PHF21B: variants seen among roughly 807,000 people sequenced by gnomAD.
PHF21B encodes PHD finger protein 21B.
Under a neutral mutation model 62.2 loss-of-function variants are expected in PHF21B, and 22 were observed. The ratio of observed to expected loss-of-function variants is 0.35; its 90% CI spans 0.25 to 0.51. The LOEUF (loss-of-function observed/expected upper bound fraction) is 0.51. PHF21B is among the 20% of genes least tolerant of loss of function. PHF21B has a pLI of 0.97. For synonymous variants in PHF21B, 341 were observed against 314.7 expected, an observed-to-expected ratio of 1.08 and a Z score of -0.88; for missense variants, 701 against 707.9, an observed-to-expected ratio of 0.99 and a Z score of 0.11.
chr22:44,886,658 G>A (rs1398594459), intron 10 of PHF21B, among the ~76,000 whole-genome samples: 1 of 151,670 alleles, frequency 6.6e-6, no homozygotes, highest in Non-Finnish European at 1.5e-5. Context: ...CTGCACTCTA[G>A]CCTGTGAAAC....
Position 44,888,714 on chromosome 22 carries a change from A to G in PHF21B, c.1039-593T>C, listed in dbSNP as rs543141189. ...CTCCTCTGGGATGGCCCGTGCCACAAGGACACTGGATGTCCCTGAAGGAGG... is the reference window on the plus strand; with the variant it reads ...CTCCTCTGGGATGGCCCGTGCCACAGGGACACTGGATGTCCCTGAAGGAGG... On this transcript the variant is annotated intron_variant, in intron 9 of 12. Coordinates refer to ENST00000313237, the MANE Select transcript of PHF21B (RefSeq NM_138415.5). Among the ~76,000 whole-genome samples the G allele has an allele frequency of 3.9e-5, 6 of 152,348 alleles. No homozygotes were observed. The South Asian group carries it at 1.2e-3, about 32-fold the overall frequency.
In PHF21B at chr22:44,909,090, G is replaced by A. The variant is rs781517684; in HGVS notation, c.831+4732C>T. On this transcript the variant is annotated intron_variant, in intron 5 of 12. Coordinates refer to ENST00000313237, the MANE Select transcript of PHF21B (RefSeq NM_138415.5). ...CAGGATTACAGGTGTGAGCCACTGC[G>A]CCTGGCCTTGGTCCTCTTTTAAAAT... 5.9e-5 allele frequency among the ~76,000 whole-genome samples: 9 copies of A among 152,160 alleles called. 1 individual carries two copies. The highest frequency in any genetic ancestry group is 1.0e-4 in the Non-Finnish European group (7 of 68,028).
At chr22:44,983,233 CA>C (rs59497234) in intron 2 of PHF21B, among the ~76,000 whole-genome samples, 11 of 149,338 alleles carry the variant, frequency 7.4e-5, no homozygotes, top group African/African-American at 2.7e-4. Context: ...GACTCTGTCT[CA>C]AAAAAAAAAA....
chr22:44,949,174 G>A (rs1478873516), intron 2 of PHF21B, among the ~76,000 whole-genome samples: 1 of 151,960 alleles, frequency 6.6e-6, no homozygotes, highest in African/African-American at 2.4e-5. Context: ...AGTGGCGCAT[G>A]CCTGTAATCC....
At chr22:44,999,965 C>T (rs552004120) in intron 2 of PHF21B, among the ~76,000 whole-genome samples, 2 of 152,124 alleles carry the variant, frequency 1.3e-5, no homozygotes, top group East Asian at 1.9e-4. Flanking sequence ...TGCGGCCTCT[C>T]GAAGATTGTT....
At chr22:44,926,344 G>T (rs953335673) in intron 2 of PHF21B, among the ~76,000 whole-genome samples, 1 of 152,244 alleles carries the variant, frequency 6.6e-6, no homozygotes, top group African/African-American at 2.4e-5. Context: ...GTGGGGCCCC[G>T]GGGAGGAGAA....
chr22:44,968,566 C>G (rs1483879528), intron 2 of PHF21B, among the ~76,000 whole-genome samples: 1 of 150,056 alleles, frequency 6.7e-6, no homozygotes, highest in Admixed American at 6.7e-5. Context: ...ATTGCTTGAA[C>G]CTGGGAGGCA....
At position 45,009,590 on chromosome 22, in the gene PHF21B, G is replaced by T; in HGVS notation, c.-41C>A. On this transcript the variant is annotated 5_prime_UTR_variant, in exon 1 of 13. Coordinates refer to ENST00000313237, the MANE Select transcript of PHF21B (RefSeq NM_138415.5). This position sits in a 1 kb window ranked among gnomAD's most constrained non-coding sequence, Gnocchi z 5.9. Reference sequence around the variant, plus strand: ...AGCACTTTGCGCTCACTTTGGCCCGGGCTCCCGGGAAGTTGCGCGGCTCCG... The same window carrying T: ...AGCACTTTGCGCTCACTTTGGCCCGTGCTCCCGGGAAGTTGCGCGGCTCCG... The T allele has an allele frequency of 6.6e-7, 1 of 1,523,052 alleles. No homozygotes were observed. The highest frequency in any genetic ancestry group is 1.2e-5 in the South Asian group (1 of 81,526). The allele number at this position is 1,523,052 out of a possible 1,614,324, so 94.3% of individuals were successfully genotyped here. A position where few individuals can be genotyped will look rare whatever the true frequency, so the allele number is the denominator to read the frequency against.
chr22:44,977,233 CT>C (rs35019000), intron 2 of PHF21B, among the ~76,000 whole-genome samples: 1 of 151,430 alleles, frequency 6.6e-6, no homozygotes, highest in Non-Finnish European at 1.5e-5. Flanking sequence ...CATTCCCAGA[CT>C]TTTTTTTTAA....
Position 44,893,540 on chromosome 22 carries a change from A to G in PHF21B, c.884-7T>C. On this transcript the variant is annotated splice_region_variant and splice_polypyrimidine_tract_variant and intron_variant, in intron 6 of 12. Transcript: ENST00000313237. ...TGTCGCTTGCTCTGGATTTCTGGAA[A>G]GGCACAGACACAGCAGTTACTGGGT... The G allele has an allele frequency of 6.3e-7, 1 of 1,594,540 alleles. No homozygotes were observed. Among genetic ancestry groups the G allele is most frequent in the Non-Finnish European group, 8.5e-7 (1 of 1,170,210 alleles).
chr22:44,926,689 C>T (rs1218771598), intron 2 of PHF21B, among the ~76,000 whole-genome samples: 2 of 152,128 alleles, frequency 1.3e-5, no homozygotes, highest in Non-Finnish European at 2.9e-5. Flanking sequence ...GCTGGGATGG[C>T]GATGTGTCCA....
intron 2 of PHF21B, among the ~76,000 whole-genome samples, chr22:44,992,453 T>G (rs116052262): frequency 0.02 from 3,085 of 152,338 alleles, 96 homozygotes; most frequent in African/African-American, 0.07. Context: ...TTCCAAGTCC[T>G]GCTCCACCGC....
intron 7 of PHF21B, among the ~76,000 whole-genome samples, 177 bp from the exon 8 acceptor site, chr22:44,891,537 AG>A (rs2070965081): frequency 6.6e-6 from 1 of 151,938 alleles, no homozygotes; most frequent in African/African-American, 2.4e-5. Flanking sequence ...AGAAGCACGC[AG>A]GAATGGCTGA....
intron 2 of PHF21B, among the ~76,000 whole-genome samples, chr22:44,948,113 T>C (rs1052246797): frequency 4.0e-5 from 6 of 151,386 alleles, no homozygotes; most frequent in Admixed American, 2.0e-4. Flanking sequence ...CCGTGGAAGA[T>C]GGTTTTTCCA....
chr22:44,933,115 C>CA (rs2071774451), intron 2 of PHF21B, among the ~76,000 whole-genome samples: 1 of 141,010 alleles, frequency 7.1e-6, no homozygotes. Context: ...TCTTCTATTT[C>CA]TTTTTTTTTT....
At chr22:44,962,825 T>A (rs964451932) in intron 2 of PHF21B, among the ~76,000 whole-genome samples, 1 of 152,122 alleles carries the variant, frequency 6.6e-6, no homozygotes, top group Non-Finnish European at 1.5e-5. Context: ...GTGCTTTACT[T>A]GCGATGTGGC....
At chr22:44,891,774 C>A (rs1472887297) in intron 7 of PHF21B, among the ~76,000 whole-genome samples, 1 of 152,256 alleles carries the variant, frequency 6.6e-6, no homozygotes, top group Non-Finnish European at 1.5e-5. Flanking sequence ...AATTCCACTT[C>A]TTGGCATGTG....
rs914526852 is a variant in PHF21B, at chr22:45,009,985, G to A, written c.-436C>T. ...TGGGCCTCGGCAAAGTTGTGCCTCG[G>A]CACGATGCTAATTCGGCAGTGCCCG... On this transcript the variant is annotated 5_prime_UTR_variant, in exon 1 of 13. Coordinates refer to ENST00000313237, the MANE Select transcript of PHF21B (RefSeq NM_138415.5). The surrounding 1 kb of genome is among the most constrained non-coding windows in gnomAD (Gnocchi z 5.9). The A allele has an allele frequency of 9.6e-5, 14 of 146,388 alleles. No homozygotes were observed. The South Asian group carries it at 2.4e-3, about 26-fold the overall frequency. The allele number at this position is 146,388 out of a possible 1,614,324, so 9.1% of individuals were successfully genotyped here.
chr22:44,884,041 G>GCAC lies in PHF21B; in HGVS notation c.1378-740_1378-738dup, dbSNP rs58584762. Among the ~76,000 whole-genome samples the GCAC allele has an allele frequency of 3.0e-4, 20 of 67,106 alleles. 1 individual carries two copies. Among genetic ancestry groups the GCAC allele is most frequent in the Middle Eastern group, 8.6e-3 (1 of 116 alleles). 44.0% of individuals were successfully genotyped at this position (67,106 alleles called of 152,430 possible). ...ACCGCCACCACCATCACTGTGATCA[G>GCAC]CACCACCACCACCATCACCACCACC... On this transcript the variant is annotated intron_variant, in intron 12 of 12. Coordinates refer to ENST00000313237, the MANE Select transcript of PHF21B (RefSeq NM_138415.5).
Sources: allele counts gnomAD v4.1 joint callset (sites outside exome capture counted in the v4.1 genomes callset), GRCh38; gene constraint gnomAD v4.1.1; non-coding constraint Gnocchi (gnomAD v3.1); transcripts MANE v1.5; gene names NCBI Gene and HGNC (gene_info 2026-07-23, HGNC 2026-07-21).